Variants in KMT2C observed in about 807,000 individuals in gnomAD.
KMT2C encodes the protein lysine methyltransferase 2C.
In KMT2C, 88 loss-of-function variants were observed where a neutral mutation model predicts 507.9. The ratio of observed to expected loss-of-function variants is 0.17; its 90% CI spans 0.15 to 0.21. The LOEUF is 0.21. KMT2C is among the 10% of genes least tolerant of loss of function. KMT2C has a pLI of 1.00. For missense variants in KMT2C, 4,954 were observed against 5,957.8 expected, an observed-to-expected ratio of 0.83 and a Z score of 5.55; for synonymous variants, 2,049 against 2,080.8, an observed-to-expected ratio of 0.98 and a Z score of 0.42.
intron 6 of KMT2C, among the ~76,000 whole-genome samples, chr7:152,303,245 GAAATTACTTTAAATATATT>G (rs1372449354): frequency 1.3e-5 from 2 of 152,140 alleles, no homozygotes; most frequent in Non-Finnish European, 2.9e-5. Context: ...AACAACCGAG[GAAATTACTTTAAATATATT>G]AATTTTAACA....
intron 9 of KMT2C, among the ~76,000 whole-genome samples, chr7:152,254,424 A>G (rs2095611950): frequency 1.3e-5 from 2 of 152,206 alleles, no homozygotes; most frequent in Non-Finnish European, 2.9e-5. Context: ...GATATTTAAT[A>G]TTAGAAAAAT....
chr7:152,142,869 T>A (rs879688015), intron 55 of KMT2C, among the ~76,000 whole-genome samples: 3 of 152,114 alleles, frequency 2.0e-5, no homozygotes, highest in Non-Finnish European at 4.4e-5. Context: ...TACATAAAAG[T>A]GTATATAGTT....
rs1246296648 is a variant in KMT2C, at chr7:152,392,735, G to GGCTCAAAAACTCT, written c.162-34073_162-34061dup. Among the ~76,000 whole-genome samples the GGCTCAAAAACTCT allele has an allele frequency of 5.9e-5, 9 of 152,244 alleles. No homozygotes were observed. In the East Asian group the frequency reaches 1.5e-3, roughly 26 times the overall value. On this transcript the variant is annotated intron_variant, in intron 1 of 58. Coordinates refer to ENST00000262189, the MANE Select transcript of KMT2C (RefSeq NM_170606.3). Reference sequence around the variant, plus strand: ...ACAGCTAATTAAGTAATGGAGTTAAGGCTCAAAAACTCTTCAGTATCTGAT... The same window carrying GGCTCAAAAACTCT: ...ACAGCTAATTAAGTAATGGAGTTAAGGCTCAAAAACTCTGCTCAAAAACTCTTCAGTATCTGAT...
At chr7:152,173,723 G>A (rs1451291073) in intron 39 of KMT2C, among the ~76,000 whole-genome samples, 1 of 151,976 alleles carries the variant, frequency 6.6e-6, no homozygotes, top group African/African-American at 2.4e-5. Context: ...TTCAAAACCG[G>A]TTTGGGAACA....
rs1418403473 is a variant in KMT2C at position 152,431,260 on chromosome 7, T to C, written c.161+4366A>G. On this transcript the variant is annotated intron_variant, in intron 1 of 58. Transcript: ENST00000262189. ...TAAATTTATATATTAGTAAACAATA[T>C]ATAAATTTGTATAATAGACTAAAAA... 7.9e-5 allele frequency among the ~76,000 whole-genome samples: 12 copies of C among 152,058 alleles called. No individual in the cohort carries two copies. The East Asian group carries it at 2.1e-3, about 27-fold the overall frequency.
chr7:152,154,542 A>G (rs2091901576), intron 46 of KMT2C, 97 bp from the exon 47 acceptor site: 2 of 1,019,260 alleles, frequency 2.0e-6, no homozygotes, highest in South Asian at 2.9e-5. Context: ...AGCTGTAAGG[A>G]TACTCTGGGC....
At chr7:152,288,022 CAA>C (rs66951420) in intron 6 of KMT2C, among the ~76,000 whole-genome samples, 21 of 31,664 alleles carry the variant, frequency 6.6e-4, no homozygotes, top group South Asian at 3.3e-3. Flanking sequence ...GAGTCTGCCT[CAA>C]AAAAAAAAAA....
chr7:152,396,083 G>A (rs1056781397), intron 1 of KMT2C, among the ~76,000 whole-genome samples: 7 of 152,152 alleles, frequency 4.6e-5, no homozygotes, highest in Admixed American at 1.3e-4. Context: ...CAGCTACTAA[G>A]TGTGAGGCTG....
At chr7:152,300,328 A>T (rs1250485869) in intron 6 of KMT2C, among the ~76,000 whole-genome samples, 2 of 152,226 alleles carry the variant, frequency 1.3e-5, no homozygotes, top group African/African-American at 4.8e-5. Flanking sequence ...ACTGGTAATC[A>T]TGGTTTACTA....
chr7:152,328,572 A>G (rs1390713951), intron 3 of KMT2C, among the ~76,000 whole-genome samples: 1 of 152,224 alleles, frequency 6.6e-6, no homozygotes, highest in East Asian at 1.9e-4. Flanking sequence ...TATAATTTAA[A>G]TATAATAGTC....
chr7:152,146,623 A>G lies in KMT2C; in HGVS notation c.14007T>C (p.Ser4669=), dbSNP rs2129094028. Residue 4669 remains serine, a synonymous_variant, in exon 53 of 59, where the codon TCT becomes TCC. Transcript: ENST00000262189. The part of the protein sequence containing the change: ...KGEDLFGLTV[S]AVARIAESLP... ...CTGATTCCGCTATGCGTGCCACTGC[A>G]GAGACGGTCAGGCCAAACAGATCCT... 2 of 1,614,210 alleles carry G rather than the reference A, an allele frequency of 1.2e-6. No homozygotes were observed. Among genetic ancestry groups the G allele is most frequent in the East Asian group, 2.2e-5 (1 of 44,886 alleles).
At chr7:152,336,525 G>T (rs1282869750) in intron 2 of KMT2C, among the ~76,000 whole-genome samples, 1 of 152,160 alleles carries the variant, frequency 6.6e-6, no homozygotes, top group Admixed American at 6.5e-5. Context: ...AAATATGCCT[G>T]ATGCCAGTAC....
intron 1 of KMT2C, among the ~76,000 whole-genome samples, chr7:152,428,688 G>C (rs2097843663): frequency 6.6e-6 from 1 of 151,622 alleles, no homozygotes; most frequent in Admixed American, 6.6e-5. Context: ...GAAAAATCTA[G>C]AAACAGCATC....
chr7:152,428,458 C>CAA (rs140697569), intron 1 of KMT2C, among the ~76,000 whole-genome samples: 66 of 73,484 alleles, frequency 9.0e-4, no homozygotes, highest in East Asian at 1.9e-3. Context: ...ACTAAAAATA[C>CAA]AAAAAAAAAA....
intron 23 of KMT2C, chr7:152,220,203 C>T (rs1340807264): frequency 9.8e-6 from 3 of 305,460 alleles, no homozygotes; most frequent in Middle Eastern, 9.9e-4. Flanking sequence ...TCCAAGCTCA[C>T]AGTATCTGAG....
At chr7:152,165,182 C>T (rs988883738) in intron 42 of KMT2C, among the ~76,000 whole-genome samples, 4 of 152,224 alleles carry the variant, frequency 2.6e-5, no homozygotes, top group African/African-American at 9.6e-5. Flanking sequence ...ACCTACAACA[C>T]TATGTGGGAT....
chr7:152,410,659 T>C (rs990648344), intron 1 of KMT2C, among the ~76,000 whole-genome samples: 1 of 148,540 alleles, frequency 6.7e-6, no homozygotes, highest in Non-Finnish European at 1.5e-5. Flanking sequence ...TTTTTATATA[T>C]GAGATTATGT....
At chr7:152,176,103 G>T (rs772951761) in intron 38 of KMT2C, 88 bp downstream of exon 38, 7 of 1,279,636 alleles carry the variant, frequency 5.5e-6, no homozygotes, top group Non-Finnish European at 7.6e-6. Context: ...TATTCCAACT[G>T]TAATTCTAAT....
intron 39 of KMT2C, 47 bp from the exon 40 acceptor site, chr7:152,171,389 TTATTAA>T (rs755786797): frequency 6.6e-6 from 8 of 1,212,230 alleles, no homozygotes; most frequent in Non-Finnish European, 4.6e-6. Flanking sequence ...CGTTTAGAAA[TTATTAA>T]TATTAATTAA....
Sources: allele counts gnomAD v4.1 joint callset (sites outside exome capture counted in the v4.1 genomes callset), GRCh38; gene constraint gnomAD v4.1.1; transcripts MANE v1.5; gene names NCBI Gene and HGNC (gene_info 2026-07-23, HGNC 2026-07-21).